KAZN: variants seen among roughly 807,000 people sequenced by gnomAD.
The protein encoded by KAZN is kazrin, periplakin interacting protein.
KAZN carries 40 observed loss-of-function variants against 87.4 expected under a neutral mutation model. The observed-to-expected ratio is 0.46, with a 90% CI of 0.36 to 0.60. KAZN has a LOEUF of 0.60. Among genes scored for constraint, KAZN ranks in the 20% least tolerant of loss-of-function variants. The pLI, the probability that KAZN is intolerant of heterozygous loss-of-function variation, is 0.00. For synonymous variants in KAZN, 466 were observed against 458.3 expected, an observed-to-expected ratio of 1.02 and a Z score of -0.22; for missense variants, 898 against 1,073.9, an observed-to-expected ratio of 0.84 and a Z score of 2.29.
chr1:14,056,899 C>T (rs529983275), intron 1 of KAZN, among the ~76,000 whole-genome samples: 3 of 151,932 alleles, frequency 2.0e-5, no homozygotes, highest in Non-Finnish European at 4.4e-5. Context: ...AGTCTCTTGG[C>T]CAGGTTTGGT....
At chr1:14,383,377 T>C (rs1283672283) in intron 2 of KAZN, among the ~76,000 whole-genome samples, 1 of 152,096 alleles carries the variant, frequency 6.6e-6, no homozygotes, top group Admixed American at 6.6e-5. Context: ...GTTTTAGATA[T>C]GAAGTCCTTG....
intron 12 of KAZN, among the ~76,000 whole-genome samples, chr1:15,103,733 G>A (rs1257655342): frequency 6.6e-6 from 1 of 152,124 alleles, no homozygotes; most frequent in East Asian, 1.9e-4. Flanking sequence ...TGCTCACATG[G>A]GGTAGAGAGG....
chr1:13,964,578 C>T (rs892894105), intron 1 of KAZN, among the ~76,000 whole-genome samples: 7 of 152,124 alleles, frequency 4.6e-5, no homozygotes, highest in African/African-American at 1.2e-4. Flanking sequence ...GTTCTTTAAA[C>T]GTAGTCTCTC....
chr1:14,092,071 A>G (rs1355783599), intron 1 of KAZN, among the ~76,000 whole-genome samples: 2 of 151,426 alleles, frequency 1.3e-5, no homozygotes, highest in East Asian at 3.9e-4. Flanking sequence ...GAATTCTTGT[A>G]ATACTTTATT....
Position 14,834,536 on chromosome 1 carries a change from T to C in KAZN, c.227-126148T>C, listed in dbSNP as rs147251442. Reference sequence around the variant, plus strand: ...ACCACCACGCCCAGCTGATTTTCTGTATATTTAGTAGAGACGGGGTTTCAC... The same window carrying C: ...ACCACCACGCCCAGCTGATTTTCTGCATATTTAGTAGAGACGGGGTTTCAC... On this transcript the variant is annotated intron_variant, in intron 1 of 14. Transcript: ENST00000376030. Among the ~76,000 whole-genome samples, 993 of 151,996 alleles carry C rather than the reference T, an allele frequency of 6.5e-3. 12 individuals carry two copies. The highest frequency in any genetic ancestry group is 0.022 in the African/African-American group (913 of 41,456).
intron 1 of KAZN, among the ~76,000 whole-genome samples, chr1:14,716,656 A>G (rs1642813611): frequency 6.6e-6 from 1 of 152,090 alleles, no homozygotes; most frequent in Non-Finnish European, 1.5e-5. Context: ...CCTCAGGCGG[A>G]GCACCTGAAA....
chr1:14,642,099 C>A (rs1680446919), intron 1 of KAZN, among the ~76,000 whole-genome samples: 1 of 152,070 alleles, frequency 6.6e-6, no homozygotes, highest in African/African-American at 2.4e-5. Flanking sequence ...GAGGGAAATG[C>A]AAATTAAAAC....
intron 2 of KAZN, among the ~76,000 whole-genome samples, chr1:14,233,459 G>T (rs1267904725): frequency 6.6e-6 from 1 of 152,156 alleles, no homozygotes; most frequent in African/African-American, 2.4e-5. Context: ...TATATTGATT[G>T]CTTGGAAGAT....
intron 2 of KAZN, among the ~76,000 whole-genome samples, chr1:14,520,336 G>A (rs749256996): frequency 6.6e-6 from 1 of 152,110 alleles, no homozygotes; most frequent in Non-Finnish European, 1.5e-5. Flanking sequence ...CCCGAGAAGG[G>A]TGGGCATGGG....
chr1:14,469,941 A>T (rs1392444446), intron 2 of KAZN, among the ~76,000 whole-genome samples: 3 of 152,144 alleles, frequency 2.0e-5, no homozygotes, highest in Non-Finnish European at 4.4e-5. Context: ...AACACAAAGA[A>T]ATAGTGTCAT....
At chr1:14,078,605 G>A (rs1319362764) in intron 1 of KAZN, among the ~76,000 whole-genome samples, 1 of 152,230 alleles carries the variant, frequency 6.6e-6, no homozygotes, top group Non-Finnish European at 1.5e-5. Flanking sequence ...TCTGGTGAGG[G>A]CCAGCTTCCT....
At chr1:14,822,492 G>A (rs1439068132) in intron 1 of KAZN, among the ~76,000 whole-genome samples, 1 of 152,200 alleles carries the variant, frequency 6.6e-6, no homozygotes, top group Non-Finnish European at 1.5e-5. Flanking sequence ...GCAAAGAGAA[G>A]CTGGGCGTTC....
intron 1 of KAZN, among the ~76,000 whole-genome samples, chr1:14,121,969 G>A (rs757709441): frequency 3.9e-5 from 6 of 152,186 alleles, no homozygotes; most frequent in Non-Finnish European, 7.4e-5. Flanking sequence ...CAGCGAGGTT[G>A]GAACAGAGTG....
intron 2 of KAZN, chr1:14,180,616 C>A (rs1459944765): frequency 4.6e-6 from 7 of 1,532,604 alleles, no homozygotes; most frequent in Non-Finnish European, 6.1e-6. Flanking sequence ...TACAGAAATT[C>A]TCTATGGAGA....
At chr1:14,444,300 T>A (rs1262895502) in intron 2 of KAZN, among the ~76,000 whole-genome samples, 1 of 147,506 alleles carries the variant, frequency 6.8e-6, no homozygotes, top group Admixed American at 6.9e-5. Flanking sequence ...ATAAACTAAA[T>A]TCATGATTTT....
intron 2 of KAZN, among the ~76,000 whole-genome samples, chr1:14,466,528 A>G (rs1557739403): frequency 1.3e-5 from 2 of 151,972 alleles, no homozygotes; most frequent in Non-Finnish European, 2.9e-5. Flanking sequence ...GCATTAGGAA[A>G]AATACCTAAT....
intron 1 of KAZN, among the ~76,000 whole-genome samples, chr1:14,676,674 T>C (rs1286145624): frequency 6.6e-6 from 1 of 152,104 alleles, no homozygotes; most frequent in Non-Finnish European, 1.5e-5. Context: ...GAAAACATCA[T>C]GCTAAAGGGA....
intron 1 of KAZN, among the ~76,000 whole-genome samples, chr1:13,910,963 T>C (rs1019651906): frequency 1.3e-5 from 2 of 152,026 alleles, no homozygotes; most frequent in African/African-American, 2.4e-5. Flanking sequence ...CTTCCAATCA[T>C]GATGGAAGAC....
chr1:14,823,730 C>T (rs1056868950), intron 1 of KAZN, among the ~76,000 whole-genome samples: 1 of 152,074 alleles, frequency 6.6e-6, no homozygotes, highest in Non-Finnish European at 1.5e-5. Context: ...AGGGGAGGTC[C>T]GCTCAGATTG....
Sources: gnomAD v4.1 joint callset for allele counts (sites outside exome capture counted in the v4.1 genomes callset) on GRCh38, gnomAD v4.1.1 for gene constraint, MANE v1.5 for transcripts, NCBI Gene and HGNC (gene_info 2026-07-23, HGNC 2026-07-21) for gene names.